The following POC1A variants were observed in gnomAD, a reference collection of about 807,000 sequenced individuals.
POC1A encodes POC1 centriolar protein homolog A.
In POC1A, 34 loss-of-function variants were observed where a neutral mutation model predicts 47.8. The ratio of observed to expected loss-of-function variants is 0.71; its 90% CI spans 0.54 to 0.95. The LOEUF (loss-of-function observed/expected upper bound fraction) is 0.95. Among genes scored for constraint, POC1A ranks in the 40% least tolerant of loss-of-function variants. The pLI is 0.00. For missense variants in POC1A, 466 were observed against 528.3 expected (o/e 0.88, Z 1.16); for synonymous variants, 177 against 207.6 (o/e 0.85, Z 1.27).
In POC1A at chr3:52,090,647, C is replaced by T; in HGVS notation, c.1125+5922G>A. Among the ~76,000 whole-genome samples, 1 of 152,198 alleles carries T rather than the reference C, an allele frequency of 6.6e-6. No homozygotes were observed. The highest frequency in any genetic ancestry group is 2.1e-4 in the South Asian group (1 of 4,828). On this transcript the variant is annotated intron_variant, in intron 10 of 10. Transcript: ENST00000296484. This position sits in a 1 kb window ranked among gnomAD's most constrained non-coding sequence, Gnocchi z 4.2. ...CTATTTGTGGAAACAGCCTCTCTCC[C>T]TGCTCACTGGAGAAGTTTTCCGGCA...
chr3:52,124,743 TC>T (rs1367220063), intron 8 of POC1A, among the ~76,000 whole-genome samples: 3 of 152,198 alleles, frequency 2.0e-5, no homozygotes, highest in Admixed American at 6.5e-5. Flanking sequence ...TTGGCCATAT[TC>T]CCAGGCCTAA....
chr3:52,088,176 G>A (rs570564661), intron 10 of POC1A, among the ~76,000 whole-genome samples: 18 of 152,184 alleles, frequency 1.2e-4, no homozygotes, highest in Admixed American at 2.6e-4. Context: ...CTGGCGAGTC[G>A]GGCTGCAGCT....
At chr3:52,121,322 C>A (rs1230775929) in intron 9 of POC1A, among the ~76,000 whole-genome samples, 11 of 152,180 alleles carry the variant, frequency 7.2e-5, no homozygotes, top group Non-Finnish European at 4.4e-5. Context: ...GCAAGCAGTG[C>A]ATCATGCAGC....
chr3:52,076,304 C>G (rs920693604), intron 10 of POC1A, among the ~76,000 whole-genome samples: 19 of 152,240 alleles, frequency 1.2e-4, no homozygotes, highest in African/African-American at 4.3e-4. Flanking sequence ...AGGAACCCCC[C>G]ACCCTGGTGG....
intron 10 of POC1A, among the ~76,000 whole-genome samples, chr3:52,082,080 G>A (rs1409928324): frequency 6.6e-6 from 1 of 152,086 alleles, no homozygotes; most frequent in Admixed American, 6.5e-5. Flanking sequence ...GCAGGCATGG[G>A]GTGGTCTGAG....
chr3:52,106,162 C>CAG (rs1452166279), intron 9 of POC1A, among the ~76,000 whole-genome samples: 2 of 117,668 alleles, frequency 1.7e-5, no homozygotes, highest in South Asian at 5.5e-4. Context: ...GCCACTGTGA[C>CAG]AGAGAGAGAC....
intron 9 of POC1A, among the ~76,000 whole-genome samples, chr3:52,115,684 G>A (rs1703537503): frequency 6.6e-6 from 1 of 152,144 alleles, no homozygotes; most frequent in Non-Finnish European, 1.5e-5. Flanking sequence ...GATCTAGCTA[G>A]CCCCTTCCAC....
intron 9 of POC1A, 44 bp from the exon 10 acceptor site, chr3:52,096,756 GAAGA>G (rs764061941): frequency 5.4e-6 from 8 of 1,494,778 alleles, no homozygotes; most frequent in Non-Finnish European, 7.1e-6. Context: ...TCCAGTGCTT[GAAGA>G]AATACTGTGA....
chr3:52,151,514 C>T (rs913020425), intron 1 of POC1A, among the ~76,000 whole-genome samples: 3 of 150,530 alleles, frequency 2.0e-5, no homozygotes, highest in Non-Finnish European at 2.9e-5. Flanking sequence ...AGGAGGCTGA[C>T]GCAGGAGAAT....
intron 7 of POC1A, 94 bp from the exon 8 acceptor site, chr3:52,125,275 A>C (rs1240903536): frequency 9.5e-7 from 1 of 1,057,168 alleles, no homozygotes; most frequent in Admixed American, 1.8e-5. Context: ...TGAAAGCAGC[A>C]GCAGGATAAA....
chr3:52,150,860 T>G (rs970785850), intron 2 of POC1A, among the ~76,000 whole-genome samples, 156 bp downstream of exon 2: 2 of 152,130 alleles, frequency 1.3e-5, no homozygotes, highest in African/African-American at 4.8e-5. Flanking sequence ...TGAAGCCCAG[T>G]GCCCAAAGAG....
In POC1A at chr3:52,141,215, A is replaced by G. The variant is rs989409384; in HGVS notation, c.680-2913T>C. Among the ~76,000 whole-genome samples, 3 of 152,212 alleles carry G rather than the reference A, an allele frequency of 2.0e-5. No individual in the cohort carries two copies. In the East Asian group the frequency reaches 5.8e-4, roughly 29 times the overall value. The stretch of plus-strand genomic sequence containing the variant: ...TGTGGGCAGTAGGTGGTCTAAGCAG[A>G]GACCTGAGTACACCCACTCCATGCT... On this transcript the variant is annotated intron_variant, in intron 6 of 10. Coordinates refer to ENST00000296484, the MANE Select transcript of POC1A (RefSeq NM_015426.5).
intron 7 of POC1A, among the ~76,000 whole-genome samples, chr3:52,131,308 G>T (rs193012915): frequency 2.3e-4 from 35 of 152,184 alleles, no homozygotes; most frequent in Middle Eastern, 3.2e-3. Context: ...CTGAACAACC[G>T]TGGTAGTTGG....
intron 9 of POC1A, among the ~76,000 whole-genome samples, chr3:52,113,708 C>T (rs970971765): frequency 3.3e-5 from 5 of 152,124 alleles, no homozygotes; most frequent in African/African-American, 4.8e-5. Flanking sequence ...TCTCAAAAAA[C>T]AAAAACAAAC....
intron 7 of POC1A, among the ~76,000 whole-genome samples, chr3:52,133,568 G>GA (rs1257009934): frequency 1.6e-4 from 24 of 152,232 alleles, no homozygotes; most frequent in Admixed American, 1.0e-3. Context: ...CAGCCCAGGA[G>GA]ACCCAGGGCT....
chr3:52,138,346 G>C, intron 6 of POC1A, 44 bp from the exon 7 acceptor site: 1 of 1,579,946 alleles, frequency 6.3e-7, no homozygotes, highest in Non-Finnish European at 8.6e-7. Flanking sequence ...GAGGCACAGG[G>C]AGCACAGCTG....
intron 6 of POC1A, 90 bp from the exon 7 acceptor site, chr3:52,138,392 C>A: frequency 7.4e-7 from 1 of 1,350,292 alleles, no homozygotes; most frequent in South Asian, 1.3e-5. Context: ...AATCGAGGCT[C>A]AGCACAGGCC....
At chr3:52,114,292 A>C (rs1251164308) in intron 9 of POC1A, among the ~76,000 whole-genome samples, 1 of 152,166 alleles carries the variant, frequency 6.6e-6, no homozygotes, top group Non-Finnish European at 1.5e-5. Context: ...GGCATCCCCC[A>C]TGCTGTGCCC....
intron 6 of POC1A, among the ~76,000 whole-genome samples, chr3:52,139,444 C>A (rs575325427): frequency 1.9e-3 from 282 of 152,258 alleles, no homozygotes; most frequent in Middle Eastern, 3.4e-3. Context: ...TCTGTCGATT[C>A]CCCCAGCCGT....
Sources: gnomAD v4.1 joint callset for allele counts (sites outside exome capture counted in the v4.1 genomes callset) on GRCh38, gnomAD v4.1.1 for gene constraint, Gnocchi (gnomAD v3.1) non-coding constraint, MANE v1.5 for transcripts, NCBI Gene and HGNC (gene_info 2026-07-23, HGNC 2026-07-21) for gene names.